PTPRK: variants seen among roughly 807,000 people sequenced by gnomAD.
PTPRK encodes protein tyrosine phosphatase receptor type K.
A neutral mutation model predicts 178.0 loss-of-function variants in PTPRK; 75 were observed. The ratio of observed to expected loss-of-function variants is 0.42; its 90% CI spans 0.35 to 0.51. The LOEUF (loss-of-function observed/expected upper bound fraction) is 0.51. Among genes scored for constraint, PTPRK ranks in the 20% least tolerant of loss-of-function variants. The pLI, the probability that PTPRK is intolerant of heterozygous loss-of-function variation, is 0.02. For synonymous variants in PTPRK, 637 were observed against 620.6 expected (o/e 1.03, Z -0.39); for missense variants, 1,441 against 1,797.8 (o/e 0.80, Z 3.59).
chr6:128,188,219 G>A (rs1032042278), intron 6 of PTPRK, among the ~76,000 whole-genome samples: 7 of 152,012 alleles, frequency 4.6e-5, no homozygotes, highest in East Asian at 1.9e-4. Flanking sequence ...TATAAAACCC[G>A]AATTATATAT....
intron 3 of PTPRK, among the ~76,000 whole-genome samples, chr6:128,308,742 G>A (rs554877040): frequency 2.2e-4 from 34 of 152,226 alleles, no homozygotes; most frequent in Admixed American, 1.7e-3. Context: ...ACCACCCTAC[G>A]AAGTCCAGCT....
intron 5 of PTPRK, among the ~76,000 whole-genome samples, chr6:128,219,778 T>C (rs144519900): frequency 2.1e-4 from 32 of 152,324 alleles, no homozygotes; most frequent in African/African-American, 7.5e-4. Context: ...CTGTATTGCC[T>C]GTGCTGTAGT....
At chr6:128,391,746 T>C (rs2128364646) in intron 2 of PTPRK, among the ~76,000 whole-genome samples, 1 of 152,084 alleles carries the variant, frequency 6.6e-6, no homozygotes, top group African/African-American at 2.4e-5. Context: ...AAATTTTTTC[T>C]CAGATGTATT....
chr6:128,089,538 A>G, intron 8 of PTPRK, 152 bp downstream of exon 8: 1 of 811,896 alleles, frequency 1.2e-6, no homozygotes, highest in Non-Finnish European at 1.9e-6. Context: ...GTTTTGTAAA[A>G]GGCAATTTTT....
intron 3 of PTPRK, among the ~76,000 whole-genome samples, chr6:128,274,113 T>G (rs1320673098): frequency 5.3e-5 from 8 of 152,158 alleles, no homozygotes; most frequent in Non-Finnish European, 1.5e-5. Context: ...AAATTATACC[T>G]TTACAATATG....
chr6:128,452,319 T>C lies in PTPRK; in HGVS notation c.101-54631A>G, dbSNP rs78243979. ...TCCTCTCTTCTTTTCACTTAAAATA[T>C]ACACAAGTGCATTTGGTACTTTTTC... is the stretch of plus-strand genomic sequence containing the variant. On this transcript the variant is annotated intron_variant, in intron 1 of 29. Coordinates refer to ENST00000368226, the MANE Select transcript of PTPRK (RefSeq NM_002844.4). Among the ~76,000 whole-genome samples, 133 of 152,338 alleles carry C rather than the reference T, an allele frequency of 8.7e-4. 1 individual carries two copies. The East Asian group carries it at 0.022, about 25-fold the overall frequency.
intron 7 of PTPRK, among the ~76,000 whole-genome samples, chr6:128,182,874 G>T (rs1288636739): frequency 6.6e-6 from 1 of 152,222 alleles, no homozygotes; most frequent in East Asian, 1.9e-4. Context: ...AATACACTGT[G>T]TGGTAATGCT....
intron 1 of PTPRK, among the ~76,000 whole-genome samples, chr6:128,512,615 G>A (rs1462446181): frequency 6.6e-6 from 1 of 152,118 alleles, no homozygotes; most frequent in Non-Finnish European, 1.5e-5. Context: ...TAGGTCTTCT[G>A]GGAAAATTCA....
At chr6:128,358,958 A>G (rs757971303) in intron 2 of PTPRK, among the ~76,000 whole-genome samples, 9 of 152,170 alleles carry the variant, frequency 5.9e-5, no homozygotes, top group Non-Finnish European at 1.0e-4. Context: ...ATACATGGAG[A>G]TAACAGCTTT....
chr6:128,054,299 A>C (rs1779539072), intron 13 of PTPRK, among the ~76,000 whole-genome samples: 1 of 152,218 alleles, frequency 6.6e-6, no homozygotes, highest in African/African-American at 2.4e-5. Context: ...GTAAGATTTA[A>C]TGTTACTTCC....
intron 13 of PTPRK, among the ~76,000 whole-genome samples, chr6:128,021,565 G>A (rs927025976): frequency 1.3e-5 from 2 of 152,302 alleles, no homozygotes; most frequent in African/African-American, 4.8e-5. Flanking sequence ...GTGTGAACCC[G>A]GGAGGCGGAG....
chr6:128,001,749 T>C (rs1450720636), intron 15 of PTPRK, among the ~76,000 whole-genome samples: 1 of 152,018 alleles, frequency 6.6e-6, no homozygotes, highest in African/African-American at 2.4e-5. Context: ...GTTCATATTG[T>C]AAATCCACAG....
intron 2 of PTPRK, among the ~76,000 whole-genome samples, chr6:128,355,541 T>A (rs1257922003): frequency 6.6e-6 from 1 of 152,124 alleles, no homozygotes; most frequent in Non-Finnish European, 1.5e-5. Flanking sequence ...TGGGTATAGG[T>A]GCATGTATCA....
At chr6:128,263,736 C>T (rs1368466924) in intron 3 of PTPRK, among the ~76,000 whole-genome samples, 1 of 152,120 alleles carries the variant, frequency 6.6e-6, no homozygotes. Flanking sequence ...ATTTGAGAGT[C>T]TGTACAAGCC....
intron 1 of PTPRK, among the ~76,000 whole-genome samples, chr6:128,454,225 C>T (rs770174810): frequency 1.2e-4 from 18 of 152,132 alleles, no homozygotes; most frequent in Non-Finnish European, 1.9e-4. Context: ...CTTGGATCTC[C>T]CAGCCTCCAG....
chr6:127,982,566 G>A (rs1364126454), intron 24 of PTPRK, among the ~76,000 whole-genome samples: 3 of 152,142 alleles, frequency 2.0e-5, no homozygotes, highest in Non-Finnish European at 2.9e-5. Context: ...GAGCCACTGC[G>A]CCTGGCCTAA....
intron 13 of PTPRK, among the ~76,000 whole-genome samples, chr6:128,012,408 T>C (rs577020628): frequency 6.6e-6 from 1 of 151,336 alleles, no homozygotes; most frequent in Non-Finnish European, 1.5e-5. Context: ...AGCAAAAAGC[T>C]ATTATAGTGG....
intron 13 of PTPRK, among the ~76,000 whole-genome samples, chr6:128,063,937 A>T (rs1374217259): frequency 6.6e-6 from 1 of 152,206 alleles, no homozygotes; most frequent in Non-Finnish European, 1.5e-5. Context: ...TACTGGACAC[A>T]AATGTGGGTC....
chr6:128,280,426 C>T (rs942117776), intron 3 of PTPRK, among the ~76,000 whole-genome samples: 1 of 152,086 alleles, frequency 6.6e-6, no homozygotes, highest in African/African-American at 2.4e-5. Context: ...TGTGACTATC[C>T]TATCAGGAAA....
Sources: allele counts gnomAD v4.1 joint callset (sites outside exome capture counted in the v4.1 genomes callset), GRCh38; gene constraint gnomAD v4.1.1; transcripts MANE v1.5; gene names NCBI Gene and HGNC (gene_info 2026-07-23, HGNC 2026-07-21).